The following SH3BP5 variants were observed in gnomAD, a reference collection of about 807,000 sequenced individuals.
SH3BP5 encodes SH3 domain-binding protein 5.
In SH3BP5, 22 loss-of-function variants were observed where a neutral mutation model predicts 43.3. That is an observed-to-expected ratio of 0.51 (90% CI 0.36 to 0.73). SH3BP5 has a LOEUF of 0.73. SH3BP5 is among the 30% of genes least tolerant of loss of function. The probability of loss-of-function intolerance (pLI) is 0.00; values close to 1 mark genes in which losing one functional copy is unlikely to be tolerated. For missense variants in SH3BP5, 529 were observed against 586.9 expected, an observed-to-expected ratio of 0.90 and a Z score of 1.02; for synonymous variants, 255 against 225.8, an observed-to-expected ratio of 1.13 and a Z score of -1.16.
chr3:15,339,528 A>G (rs904994747), intron 1 of SH3BP5, among the ~76,000 whole-genome samples: 1 of 152,032 alleles, frequency 6.6e-6, no homozygotes, highest in Non-Finnish European at 1.5e-5. Context: ...CCTGACCAAT[A>G]TGGTAAAACC....
chr3:15,292,206 G>A (rs1438588454), intron 3 of SH3BP5, among the ~76,000 whole-genome samples: 1 of 152,160 alleles, frequency 6.6e-6, no homozygotes, highest in African/African-American at 2.4e-5. Context: ...TGAGAAGAAG[G>A]AAGGAAACAT....
chr3:15,317,119 G>C lies in SH3BP5; in HGVS notation c.202-12888C>G, dbSNP rs539915092. On this transcript the variant is annotated intron_variant, in intron 2 of 8. Coordinates refer to ENST00000383791, the MANE Select transcript of SH3BP5 (RefSeq NM_004844.5). ...TTTCTTCAAAAATTCACAATCATTA[G>C]ATTTCAGACAGATTACACCACTGAT... 2.4e-4 allele frequency among the ~76,000 whole-genome samples: 36 copies of C among 152,344 alleles called. No individual in the cohort carries two copies. In the South Asian group the frequency reaches 7.5e-3, roughly 32 times the overall value.
At chr3:15,281,269 A>T (rs1697121532) in intron 3 of SH3BP5, among the ~76,000 whole-genome samples, 1 of 152,138 alleles carries the variant, frequency 6.6e-6, no homozygotes, top group Non-Finnish European at 1.5e-5. Flanking sequence ...TCCCCCAACA[A>T]GAACACATTT....
Position 15,256,005 on chromosome 3 carries a change from AT to A in SH3BP5, c.*80del. 1 of 1,138,158 alleles carries A rather than the reference AT, an allele frequency of 8.8e-7. No individual in the cohort carries two copies. The highest frequency in any genetic ancestry group is 2.0e-5 in the Admixed American group (1 of 51,200). The allele number at this position is 1,138,158 out of a possible 1,614,324, so 70.5% of individuals were successfully genotyped here. On this transcript the variant is annotated 3_prime_UTR_variant, in exon 9 of 9. Transcript: ENST00000383791. ...AGAGTAGACGTGTAAGATTTGGCATATATTAAATGATTATTGGCACAATGTT... is the reference window on the plus strand; with the variant it reads ...AGAGTAGACGTGTAAGATTTGGCATAATTAAATGATTATTGGCACAATGTT...
At chr3:15,274,192 G>C (rs975841239) in intron 3 of SH3BP5, among the ~76,000 whole-genome samples, 3 of 151,916 alleles carry the variant, frequency 2.0e-5, no homozygotes, top group African/African-American at 7.3e-5. Flanking sequence ...GTTGCAGTGA[G>C]CTAAGATCAC....
chr3:15,291,296 CATGCTGTGG>C (rs1337472801), intron 3 of SH3BP5, among the ~76,000 whole-genome samples: 3 of 152,172 alleles, frequency 2.0e-5, no homozygotes, highest in Non-Finnish European at 4.4e-5. Context: ...CACAGCTCCA[CATGCTGTGG>C]ATTCAGGAAC....
chr3:15,334,447 G>T (rs1698677366), upstream of SH3BP5, among the ~76,000 whole-genome samples: 1 of 152,084 alleles, frequency 6.6e-6, no homozygotes, highest in South Asian at 2.1e-4. Context: ...AAAATACATG[G>T]CCAGGAGTGG....
At chr3:15,332,240 C>A in intron 1 of SH3BP5, 31 bp downstream of exon 1, 1 of 1,551,002 alleles carries the variant, frequency 6.4e-7, no homozygotes, top group African/African-American at 1.4e-5. Context: ...CCTCGCGAAG[C>A]CCGGATGCGG....
intron 4 of SH3BP5, among the ~76,000 whole-genome samples, chr3:15,269,447 C>G (rs150493715): frequency 6.6e-5 from 10 of 152,080 alleles, no homozygotes; most frequent in Non-Finnish European, 1.3e-4. Flanking sequence ...CAGTCAAGAC[C>G]CCCTGGGGAT....
chr3:15,259,772 CATAGT>C lies in SH3BP5; in HGVS notation c.653_657del (p.Tyr218CysfsTer12). On this transcript the variant is annotated frameshift_variant, in exon 6 of 9. Transcript: ENST00000383791. LOFTEE classifies it high-confidence loss of function. ...AAAGCTACACATACCTCGAGCTGCA[CATAGT>C]ACTTTGCCTTGAGTTCAAAATAAGG... 6.2e-7 allele frequency: 1 copy of C among 1,614,140 alleles called. No individual in the cohort carries two copies. The highest frequency in any genetic ancestry group is 8.5e-7 in the Non-Finnish European group (1 of 1,180,014).
At chr3:15,320,642 C>CACACA in intron 2 of SH3BP5, among the ~76,000 whole-genome samples, 1 of 25,792 alleles carries the variant, frequency 3.9e-5, no homozygotes, top group African/African-American at 1.4e-4. Flanking sequence ...ACACACACAC[C>CACACA]CCACTACGTT....
intron 2 of SH3BP5, among the ~76,000 whole-genome samples, chr3:15,312,620 C>CT (rs1698087090): frequency 6.6e-6 from 1 of 152,136 alleles, no homozygotes; most frequent in Non-Finnish European, 1.5e-5. Context: ...CTTCTCAGAT[C>CT]TTTTTTAAAT....
chr3:15,259,727 T>G, intron 6 of SH3BP5, 34 bp downstream of exon 6: 1 of 1,609,110 alleles, frequency 6.2e-7, no homozygotes, highest in Non-Finnish European at 8.5e-7. Context: ...TGCAGAAAAA[T>G]CTCATCAGTG....
At chr3:15,327,198 G>A (rs1377889394) in intron 2 of SH3BP5, among the ~76,000 whole-genome samples, 1 of 151,874 alleles carries the variant, frequency 6.6e-6, no homozygotes, top group Non-Finnish European at 1.5e-5. Context: ...CAGCCAGTTC[G>A]AGACCAGCCT....
intron 3 of SH3BP5, among the ~76,000 whole-genome samples, chr3:15,286,505 C>T (rs958562781): frequency 3.3e-5 from 5 of 152,218 alleles, no homozygotes; most frequent in African/African-American, 1.2e-4. Context: ...GAAATGACTA[C>T]ACCTTAAGCC....
At chr3:15,288,706 C>G (rs1411583517) in intron 3 of SH3BP5, among the ~76,000 whole-genome samples, 1 of 152,184 alleles carries the variant, frequency 6.6e-6, no homozygotes, top group Non-Finnish European at 1.5e-5. Context: ...CACCACTGCA[C>G]TCCAGCCTGG....
At chr3:15,315,364 T>C (rs1440144160) in intron 2 of SH3BP5, among the ~76,000 whole-genome samples, 1 of 152,206 alleles carries the variant, frequency 6.6e-6, no homozygotes, top group Non-Finnish European at 1.5e-5. Context: ...TAATCCCAGC[T>C]TGGGCATCGC....
intron 3 of SH3BP5, among the ~76,000 whole-genome samples, chr3:15,285,059 T>C (rs574352932): frequency 6.6e-6 from 1 of 152,222 alleles, no homozygotes; most frequent in Non-Finnish European, 1.5e-5. Flanking sequence ...GAAAGTCTTA[T>C]GAGAGCCAAA....
At chr3:15,322,948 G>C (rs568250470) in intron 2 of SH3BP5, among the ~76,000 whole-genome samples, 1 of 151,810 alleles carries the variant, frequency 6.6e-6, no homozygotes, top group African/African-American at 2.4e-5. Context: ...TGACCAGCCT[G>C]ACCAACATGG....
Sources: allele counts gnomAD v4.1 joint callset (sites outside exome capture counted in the v4.1 genomes callset), GRCh38; gene constraint gnomAD v4.1.1; transcripts MANE v1.5; gene names NCBI Gene and HGNC (gene_info 2026-07-23, HGNC 2026-07-21).